RGS22: variants seen among roughly 807,000 people sequenced by gnomAD.
The protein encoded by RGS22 is regulator of G protein signaling 22.
A neutral mutation model predicts 172.9 loss-of-function variants in RGS22; 148 were observed. The ratio of observed to expected loss-of-function variants is 0.86; its 90% CI spans 0.75 to 0.98. The LOEUF is 0.98. Among genes scored for constraint, RGS22 ranks in the 50% least tolerant of loss-of-function variants. The probability of loss-of-function intolerance (pLI) is 0.00; values close to 1 mark genes in which losing one functional copy is unlikely to be tolerated. For missense variants in RGS22, 1,347 were observed against 1,440.8 expected, an observed-to-expected ratio of 0.93 and a Z score of 1.05; for synonymous variants, 458 against 480.2, an observed-to-expected ratio of 0.95 and a Z score of 0.60.
intron 14 of RGS22, among the ~76,000 whole-genome samples, chr8:100,019,570 A>G (rs1165605750): frequency 6.6e-6 from 1 of 152,212 alleles, no homozygotes; most frequent in Non-Finnish European, 1.5e-5. Context: ...AGATCTTAAT[A>G]CTAGTTGACA....
chr8:99,999,198 T>C (rs1814714776), intron 19 of RGS22, 64 bp downstream of exon 19: 3 of 1,409,286 alleles, frequency 2.1e-6, no homozygotes, highest in Non-Finnish European at 2.9e-6. Context: ...TCACCAGGTA[T>C]GTACATTTGA....
chr8:100,098,714 TCTC>T (rs1813177396), intron 2 of RGS22, among the ~76,000 whole-genome samples: 1 of 151,954 alleles, frequency 6.6e-6, no homozygotes, highest in Non-Finnish European at 1.5e-5. Flanking sequence ...TCCTTCTTCT[TCTC>T]TTCTATTCTC....
chr8:100,053,061 C>T, intron 9 of RGS22, 85 bp from the exon 10 acceptor site: 1 of 1,222,906 alleles, frequency 8.2e-7, no homozygotes, highest in Non-Finnish European at 1.2e-6. Flanking sequence ...AATAGCTGTG[C>T]TCACAATTAA....
chr8:99,969,797 AC>A (rs1811142933), intron 23 of RGS22, among the ~76,000 whole-genome samples: 1 of 152,102 alleles, frequency 6.6e-6, no homozygotes, highest in African/African-American at 2.4e-5. Context: ...GACTTTAACA[AC>A]CCCCTGTCAA....
intron 9 of RGS22, among the ~76,000 whole-genome samples, chr8:100,056,764 C>A (rs561466010): frequency 2.6e-5 from 4 of 152,186 alleles, no homozygotes; most frequent in South Asian, 2.1e-4. Context: ...GATGTCCAGA[C>A]AGAAGTTTGC....
intron 10 of RGS22, among the ~76,000 whole-genome samples, chr8:100,049,071 T>G (rs534816206): frequency 2.6e-5 from 4 of 152,270 alleles, no homozygotes; most frequent in African/African-American, 9.6e-5. Context: ...TTTTTGAGCT[T>G]GCTGGCTTAG....
chr8:100,051,156 G>C (rs575133508), intron 10 of RGS22, among the ~76,000 whole-genome samples: 1 of 151,768 alleles, frequency 6.6e-6, no homozygotes, highest in African/African-American at 2.4e-5. Context: ...TGGAGGAAGA[G>C]TGCTCTAAGC....
intron 24 of RGS22, among the ~76,000 whole-genome samples, chr8:99,964,584 C>A (rs777475095): frequency 1.3e-5 from 2 of 151,154 alleles, no homozygotes; most frequent in South Asian, 4.2e-4. Flanking sequence ...AAATTTAATG[C>A]TAGTCATTTG....
rs951681764 is a variant in RGS22 at position 100,072,132 on chromosome 8, G to A, written c.425+13C>T. 2 of 1,485,118 alleles carry A rather than the reference G, an allele frequency of 1.3e-6. No individual in the cohort carries two copies. The highest frequency in any genetic ancestry group is 2.0e-5 in the Admixed American group (1 of 51,270). The allele number at this position is 1,485,118 out of a possible 1,614,324, so 92.0% of individuals were successfully genotyped here. A position where few individuals can be genotyped will look rare whatever the true frequency, so the allele number is the denominator to read the frequency against. On this transcript the variant is annotated intron_variant, in intron 5 of 27. Transcript: ENST00000360863. ...TGTATTTAAAAATACATATATTGAT[G>A]GGACTATAGTACCTGTATTCAAAGT...
chr8:99,983,884 A>G (rs1017567826), intron 21 of RGS22, among the ~76,000 whole-genome samples: 3 of 152,234 alleles, frequency 2.0e-5, no homozygotes, highest in African/African-American at 4.8e-5. Context: ...TCTTTCATGT[A>G]AAACTTTATA....
rs185611213 is a variant in RGS22 at position 100,008,361 on chromosome 8, C to T, written c.2361+14G>A. On this transcript the variant is annotated intron_variant, in intron 15 of 27. Transcript: ENST00000360863. ...CTGAATGGTTTCACACTCAATTTAT[C>T]GGTGGCACGGTACCTTTTTATAAGC... 2.3e-4 allele frequency: 371 copies of T among 1,599,414 alleles called. 2 individuals are homozygous for T. In the Middle Eastern group the frequency reaches 4.2e-3, roughly 18 times the overall value.
intron 19 of RGS22, 131 bp from the exon 20 acceptor site, chr8:99,996,661 G>A: frequency 1.3e-6 from 1 of 770,084 alleles, no homozygotes; most frequent in Non-Finnish European, 2.1e-6. Context: ...AGGAGAAAGA[G>A]GATCAAACTT....
intron 14 of RGS22, 108 bp downstream of exon 14, chr8:100,038,823 G>T: frequency 2.0e-6 from 1 of 498,308 alleles, no homozygotes; most frequent in Non-Finnish European, 3.5e-6. Flanking sequence ...CAATTTAATT[G>T]CTGCCTTTTT....
chr8:100,075,599 G>A (rs982728253), intron 4 of RGS22, among the ~76,000 whole-genome samples: 2 of 152,190 alleles, frequency 1.3e-5, no homozygotes, highest in Non-Finnish European at 2.9e-5. Context: ...GTGCCAAACT[G>A]TTTTCCAAAA....
In RGS22 at chr8:99,999,439, A is replaced by G; in HGVS notation, c.2791-19T>C. On this transcript the variant is annotated intron_variant, in intron 18 of 27. Coordinates refer to ENST00000360863, the MANE Select transcript of RGS22 (RefSeq NM_015668.5). ...GCATTACCTAAGAAAATTAAGATGG[A>G]AACAGAAACTATTGTGCTTTCTAAA... The G allele has an allele frequency of 6.2e-7, 1 of 1,609,678 alleles. No individual in the cohort carries two copies. Among genetic ancestry groups the G allele is most frequent in the South Asian group, 1.1e-5 (1 of 90,274 alleles).
intron 9 of RGS22, among the ~76,000 whole-genome samples, chr8:100,061,650 G>A (rs567511173): frequency 1.3e-5 from 2 of 152,114 alleles, no homozygotes; most frequent in Non-Finnish European, 2.9e-5. Flanking sequence ...AAAAATAACA[G>A]ATGCTGATGA....
chr8:99,992,288 G>A (rs114896527), intron 20 of RGS22, among the ~76,000 whole-genome samples: 130 of 152,244 alleles, frequency 8.5e-4, no homozygotes, highest in African/African-American at 2.9e-3. Context: ...AATGTAAACA[G>A]GCTAAATGCC....
Position 100,052,883 on chromosome 8 carries a change from C to T in RGS22, c.1608G>A (p.Lys536=). The change falls in exon 10 of 28, where the codon AAG becomes AAA. Residue 536 remains lysine, a synonymous_variant. Coordinates refer to ENST00000360863, the MANE Select transcript of RGS22 (RefSeq NM_015668.5). The part of the protein sequence containing the change: ...FWHLRQAKPR[K]DIDPFPQMAT... Reference sequence around the variant, plus strand: ...CCATTTGTGGAAAAGGGTCAATATCCTTCCTTGGTTTTGCTTGACGGAGGT... The same window carrying T: ...CCATTTGTGGAAAAGGGTCAATATCTTTCCTTGGTTTTGCTTGACGGAGGT... The T allele has an allele frequency of 3.7e-6, 6 of 1,614,088 alleles. No individual in the cohort carries two copies. Among genetic ancestry groups the T allele is most frequent in the Non-Finnish European group, 5.1e-6 (6 of 1,180,000 alleles).
At chr8:100,100,260 C>G (rs981811540) in intron 2 of RGS22, among the ~76,000 whole-genome samples, 10 of 151,576 alleles carry the variant, frequency 6.6e-5, no homozygotes, top group African/African-American at 2.4e-4. Context: ...TGGTTGTTAT[C>G]CTATATTTTT....
Sources: allele counts gnomAD v4.1 joint callset (sites outside exome capture counted in the v4.1 genomes callset), GRCh38; gene constraint gnomAD v4.1.1; transcripts MANE v1.5; gene names NCBI Gene and HGNC (gene_info 2026-07-23, HGNC 2026-07-21).